Variants in SLC16A9 observed in about 807,000 individuals in gnomAD.
SLC16A9 encodes the protein solute carrier family 16 member 9.
In SLC16A9, 26 loss-of-function variants were observed where a neutral mutation model predicts 44.3. The ratio of observed to expected loss-of-function variants is 0.59; its 90% confidence interval spans 0.43 to 0.81. SLC16A9 has a LOEUF of 0.81. Among genes scored for constraint, SLC16A9 ranks in the 40% least tolerant of loss-of-function variants. SLC16A9 has a pLI of 0.00. For missense variants in SLC16A9, 559 were observed against 595.8 expected (o/e 0.94, Z 0.64); for synonymous variants, 230 against 225.1 (o/e 1.02, Z -0.19).
rs1360731870 is a variant in SLC16A9 at position 59,664,322 on chromosome 10, C to T, written c.341G>A (p.Gly114Asp). Residue 114 changes from glycine to aspartate, a missense_variant and splice_region_variant, in exon 4 of 6, where the codon GGT (glycine) becomes GAT (aspartate). Transcript: ENST00000395348. ...AGTGTATAATAAACCACATCCAAGA[C>T]CTAAGCATGAGAAGACATTGCATAA... ...FLFFSYGIVV[G>D]LGCGLLYTAT... The T allele has an allele frequency of 1.9e-6, 3 of 1,603,744 alleles. No homozygotes were observed. Among genetic ancestry groups the T allele is most frequent in the Admixed American group, 3.4e-5 (2 of 58,888 alleles).
At chr10:59,669,349 G>A (rs1839693941) in intron 3 of SLC16A9, among the ~76,000 whole-genome samples, 1 of 152,192 alleles carries the variant, frequency 6.6e-6, no homozygotes, top group Non-Finnish European at 1.5e-5. Context: ...AGATTTGGCT[G>A]TGTGGCTTAC....
chr10:59,680,156 C>T (rs111419658), intron 2 of SLC16A9, among the ~76,000 whole-genome samples: 1 of 152,136 alleles, frequency 6.6e-6, no homozygotes, highest in Non-Finnish European at 1.5e-5. Context: ...TCCTACCCAG[C>T]TTTATTCATC....
At chr10:59,653,268 C>A (rs4385835) in intron 5 of SLC16A9, among the ~76,000 whole-genome samples, 142,490 of 149,760 alleles carry the variant, frequency 0.95, 68,254 homozygotes, top group Non-Finnish European at 1. Context: ...ACAACAACAA[C>A]AAAAAACATT....
chr10:59,666,661 G>C (rs1281112454), intron 3 of SLC16A9, among the ~76,000 whole-genome samples: 1 of 152,070 alleles, frequency 6.6e-6, no homozygotes, highest in Admixed American at 6.6e-5. Context: ...TACAATAATT[G>C]CTGCAAGTAT....
intron 2 of SLC16A9, among the ~76,000 whole-genome samples, chr10:59,674,170 G>T (rs965564881): frequency 4.6e-5 from 7 of 152,104 alleles, no homozygotes; most frequent in African/African-American, 1.7e-4. Flanking sequence ...ACACTTTTCT[G>T]TATGTATGTG....
intron 1 of SLC16A9, among the ~76,000 whole-genome samples, chr10:59,686,172 T>G (rs1159089959): frequency 6.6e-6 from 1 of 152,346 alleles, no homozygotes; most frequent in Non-Finnish European, 1.5e-5. Context: ...GGTCTGTCTA[T>G]TCACACATCA....
intron 1 of SLC16A9, among the ~76,000 whole-genome samples, chr10:59,684,598 A>G (rs1840093316): frequency 1.3e-5 from 2 of 152,106 alleles, no homozygotes; most frequent in African/African-American, 4.8e-5. Flanking sequence ...CACCTTCACC[A>G]GATTCCCACC....
At chr10:59,672,221 A>C (rs1839766337) in intron 3 of SLC16A9, among the ~76,000 whole-genome samples, 1 of 152,144 alleles carries the variant, frequency 6.6e-6, no homozygotes, top group Admixed American at 6.6e-5. Context: ...CCTCCCCTGT[A>C]ACCAGCATCA....
chr10:59,692,501 A>G (rs1840274692), intron 1 of SLC16A9, among the ~76,000 whole-genome samples: 1 of 152,244 alleles, frequency 6.6e-6, no homozygotes, highest in Non-Finnish European at 1.5e-5. Flanking sequence ...CAACTCTATG[A>G]ACATGCTAAA....
chr10:59,688,871 T>C (rs1840192358), intron 1 of SLC16A9, among the ~76,000 whole-genome samples: 1 of 151,744 alleles, frequency 6.6e-6, no homozygotes, highest in Admixed American at 6.6e-5. Context: ...CCTGGGAGGT[T>C]GCGGGCAATG....
chr10:59,663,655 G>A (rs1240090227), intron 4 of SLC16A9, among the ~76,000 whole-genome samples: 3 of 152,050 alleles, frequency 2.0e-5, no homozygotes, highest in Non-Finnish European at 4.4e-5. Context: ...AATACCTAAT[G>A]TAGATCATGG....
intron 1 of SLC16A9, among the ~76,000 whole-genome samples, chr10:59,700,978 C>A (rs1840510593): frequency 6.6e-6 from 1 of 152,186 alleles, no homozygotes; most frequent in Non-Finnish European, 1.5e-5. Flanking sequence ...AGTCTCCATC[C>A]CCAGCTCTGA....
chr10:59,659,961 A>C (rs1041121105), intron 4 of SLC16A9, among the ~76,000 whole-genome samples: 2 of 152,256 alleles, frequency 1.3e-5, no homozygotes, highest in Non-Finnish European at 2.9e-5. Flanking sequence ...AAGAGAACAA[A>C]GACACAATGT....
intron 3 of SLC16A9, among the ~76,000 whole-genome samples, chr10:59,669,633 C>G (rs1388510648): frequency 6.6e-6 from 1 of 152,078 alleles, no homozygotes; most frequent in Non-Finnish European, 1.5e-5. Context: ...GTCAGGAGCT[C>G]AAGACCAGCC....
chr10:59,659,485 C>A (rs981188597), intron 4 of SLC16A9, among the ~76,000 whole-genome samples: 1 of 152,066 alleles, frequency 6.6e-6, no homozygotes. Flanking sequence ...TACAGGAGCA[C>A]CCATATTCAT....
chr10:59,696,981 G>T (rs1268936220), intron 1 of SLC16A9, among the ~76,000 whole-genome samples: 1 of 117,358 alleles, frequency 8.5e-6, no homozygotes, highest in Non-Finnish European at 1.7e-5. Flanking sequence ...GAAGGGAGGT[G>T]GGGGGGTCAG....
In SLC16A9 at chr10:59,654,401, C is replaced by A. The variant is rs763613570; in HGVS notation, c.625G>T (p.Asp209Tyr). Residue 209 changes from aspartate (D) to tyrosine (Y), a missense_variant, in exon 5 of 6, where the codon GAT becomes TAT. By Grantham distance (160) the Asp-to-Tyr change is radical (BLOSUM62 -3). Transcript: ENST00000395348. ...PKKIAPEDLP[D>Y]KYSIYNEKGK... ...TTTTCATTGTAAATGGAGTATTTATCTGGTAGATCTTCTGGAGCTATTTTT... is the reference window on the plus strand; with the variant it reads ...TTTTCATTGTAAATGGAGTATTTATATGGTAGATCTTCTGGAGCTATTTTT... 38 of 1,613,666 alleles carry A rather than the reference C, an allele frequency of 2.4e-5. No individual in the cohort carries two copies. Among genetic ancestry groups the A allele is most frequent in the Non-Finnish European group, 3.1e-5 (37 of 1,180,010 alleles).
At chr10:59,668,615 G>T (rs1305712916) in intron 3 of SLC16A9, among the ~76,000 whole-genome samples, 7 of 152,022 alleles carry the variant, frequency 4.6e-5, no homozygotes, top group Non-Finnish European at 1.0e-4. Flanking sequence ...CTAATTCCTA[G>T]TTTATTTATC....
At chr10:59,673,894 G>T (rs1044287115) in intron 2 of SLC16A9, among the ~76,000 whole-genome samples, 1 of 151,034 alleles carries the variant, frequency 6.6e-6, no homozygotes, top group Admixed American at 6.6e-5. Context: ...GTAAATGAAA[G>T]ACACAATGTA....
Sources: allele counts gnomAD v4.1 joint callset (sites outside exome capture counted in the v4.1 genomes callset), GRCh38; gene constraint gnomAD v4.1.1; transcripts MANE v1.5; gene names NCBI Gene and HGNC (gene_info 2026-07-23, HGNC 2026-07-21).